The following FAT3 variants were observed in gnomAD, a reference collection of about 807,000 sequenced individuals.
FAT3 encodes the protein FAT atypical cadherin 3.
Under a neutral mutation model 310.2 loss-of-function variants are expected in FAT3, and 95 were observed. The observed-to-expected ratio is 0.31, with a 90% CI of 0.26 to 0.36. The LOEUF is 0.36. Ranked by LOEUF, FAT3 falls within the 10% of genes least tolerant of loss-of-function variation. The pLI is 1.00. For missense variants in FAT3, 5,408 were observed against 5,715.6 expected (o/e 0.95, Z 1.74); for synonymous variants, 2,314 against 2,192.9 (o/e 1.06, Z -1.54).
chr11:92,253,222 T>C (rs1236295505), intron 1 of FAT3, among the ~76,000 whole-genome samples: 1 of 152,028 alleles, frequency 6.6e-6, no homozygotes, highest in Non-Finnish European at 1.5e-5. Flanking sequence ...TCTGGCCAAG[T>C]TTCTTGCTGT....
intron 2 of FAT3, chr11:92,400,278 A>G (rs1949983417): frequency 6.6e-6 from 1 of 152,210 alleles, no homozygotes; most frequent in South Asian, 2.1e-4. Context: ...AGAAGGCCTG[A>G]AGTCTGGCTG....
At chr11:92,843,851 A>C in intron 18 of FAT3, 83 bp from the exon 19 acceptor site, 2 of 1,275,422 alleles carry the variant, frequency 1.6e-6, no homozygotes, top group East Asian at 4.6e-5. Flanking sequence ...AAAGGTACAG[A>C]CGTCTTCTAT....
chr11:92,338,984 A>G lies in FAT3; in HGVS notation c.-17-13112A>G, dbSNP rs564979885. On this transcript the variant is annotated intron_variant, in intron 1 of 27. Transcript: ENST00000525166. Reference sequence around the variant, plus strand: ...ATGCAGAGCTGACCTTGCATGGAACATGATCCCCAGAACCTCTCAATGGCA... The same window carrying G: ...ATGCAGAGCTGACCTTGCATGGAACGTGATCCCCAGAACCTCTCAATGGCA... Among the ~76,000 whole-genome samples the G allele has an allele frequency of 1.4e-3, 218 of 152,344 alleles. 1 individual carries two copies. Among genetic ancestry groups the G allele is most frequent in the African/African-American group, 4.7e-3 (194 of 41,584 alleles).
At chr11:92,360,020 G>A (rs1055438733) in intron 2 of FAT3, among the ~76,000 whole-genome samples, 8 of 151,532 alleles carry the variant, frequency 5.3e-5, no homozygotes, top group African/African-American at 1.9e-4. Context: ...GGGTCAAATG[G>A]TATTTCTAGT....
At position 92,354,234 on chromosome 11, in the gene FAT3, C is replaced by T; in HGVS notation, c.2122C>T (p.Leu708=). Residue 708 remains leucine, a synonymous_variant, in exon 2 of 28, where the codon CTG becomes TTG. Coordinates refer to ENST00000525166, the MANE Select transcript of FAT3 (RefSeq NM_001367949.2). ...IKAKANGKLN[L]EDGFLDFYSI... ...GGCAAAAGCAAATGGGAAACTGAATCTGGAAGATGGATTTCTTGACTTTTA... is the reference window on the plus strand; with the variant it reads ...GGCAAAAGCAAATGGGAAACTGAATTTGGAAGATGGATTTCTTGACTTTTA... 1.2e-6 allele frequency: 2 copies of T among 1,613,694 alleles called. No individual in the cohort carries two copies. The highest frequency in any genetic ancestry group is 1.7e-6 in the Non-Finnish European group (2 of 1,179,862).
intron 3 of FAT3, among the ~76,000 whole-genome samples, chr11:92,626,691 T>C (rs2135687383): frequency 6.6e-6 from 1 of 152,220 alleles, no homozygotes; most frequent in Middle Eastern, 3.4e-3. Flanking sequence ...ATGAGAAACT[T>C]GAATAATTGT....
In FAT3 at chr11:92,851,254, T is replaced by A. The variant is rs147042752; in HGVS notation, c.11366-5960T>A. ...GAAAAGTTACACCTGAGTTCAGGTC[T>A]CTGCCATGTTGCTGGGTCAAATTAG... On this transcript the variant is annotated intron_variant, in intron 19 of 27. Transcript: ENST00000525166. Among the ~76,000 whole-genome samples, 381 of 152,326 alleles carry A rather than the reference T, an allele frequency of 2.5e-3. 3 individuals are homozygous for A. Among genetic ancestry groups the A allele is most frequent in the African/African-American group, 8.8e-3 (366 of 41,572 alleles).
At chr11:92,285,756 ATT>A (rs1946546627) in intron 1 of FAT3, among the ~76,000 whole-genome samples, 1 of 152,196 alleles carries the variant, frequency 6.6e-6, no homozygotes, top group Non-Finnish European at 1.5e-5. Flanking sequence ...GCATTTGTAT[ATT>A]TTAAATTTGG....
intron 3 of FAT3, among the ~76,000 whole-genome samples, chr11:92,692,140 A>G (rs929400033): frequency 2.6e-5 from 4 of 152,228 alleles, no homozygotes; most frequent in Admixed American, 2.6e-4. Context: ...AAAGGCTATC[A>G]GGAATTGCTC....
At chr11:92,315,062 G>A (rs528742170) in intron 1 of FAT3, among the ~76,000 whole-genome samples, 1 of 151,784 alleles carries the variant, frequency 6.6e-6, no homozygotes, top group African/African-American at 2.4e-5. Flanking sequence ...GTTGAAGAGA[G>A]GAAACATAAG....
chr11:92,476,068 T>A (rs670820), intron 2 of FAT3, among the ~76,000 whole-genome samples: 106,167 of 151,474 alleles, frequency 0.7, 40,072 homozygotes, highest in East Asian at 0.86. Flanking sequence ...AGTGTGTGAG[T>A]GTGTGTGTGT....
chr11:92,738,693 T>C (rs1945420490), intron 4 of FAT3, among the ~76,000 whole-genome samples: 1 of 152,210 alleles, frequency 6.6e-6, no homozygotes, highest in Non-Finnish European at 1.5e-5. Flanking sequence ...GTTTAGTTAA[T>C]TTTTCCTGGA....
At chr11:92,854,464 C>T (rs1275748209) in intron 19 of FAT3, among the ~76,000 whole-genome samples, 2 of 152,198 alleles carry the variant, frequency 1.3e-5, no homozygotes, top group Non-Finnish European at 2.9e-5. Flanking sequence ...CCACGCCTTC[C>T]CTGCTGCAGC....
intron 3 of FAT3, among the ~76,000 whole-genome samples, chr11:92,664,826 G>A (rs535221160): frequency 6.6e-6 from 1 of 152,132 alleles, no homozygotes; most frequent in Non-Finnish European, 1.5e-5. Context: ...ATTTGAAGTG[G>A]ATGCTTTTAT....
At chr11:92,649,234 A>C (rs1383391844) in intron 3 of FAT3, among the ~76,000 whole-genome samples, 1 of 152,192 alleles carries the variant, frequency 6.6e-6, no homozygotes, top group Non-Finnish European at 1.5e-5. Context: ...TGAATCTTAA[A>C]ATGGAAGTTT....
intron 3 of FAT3, among the ~76,000 whole-genome samples, chr11:92,616,591 G>T (rs553424727): frequency 1.3e-5 from 2 of 152,146 alleles, no homozygotes; most frequent in African/African-American, 2.4e-5. Context: ...TTACAATTTG[G>T]CATGTTTTTG....
rs566899537 is a variant in FAT3 at position 92,308,267 on chromosome 11, T to C, written c.-17-43829T>C. On this transcript the variant is annotated intron_variant, in intron 1 of 27. Coordinates refer to ENST00000525166, the MANE Select transcript of FAT3 (RefSeq NM_001367949.2). Reference sequence around the variant, plus strand: ...TTCAGAGTAAGCAGAGAACAGAATGTAGAAGTTGTTTGAAATTACAAATTA... The same window carrying C: ...TTCAGAGTAAGCAGAGAACAGAATGCAGAAGTTGTTTGAAATTACAAATTA... Among the ~76,000 whole-genome samples the C allele has an allele frequency of 1.1e-4, 17 of 152,298 alleles. No individual in the cohort carries two copies. The South Asian group carries it at 3.1e-3, about 28-fold the overall frequency.
At chr11:92,809,755 G>A in intron 12 of FAT3, 88 bp from the exon 13 acceptor site, 1 of 974,112 alleles carries the variant, frequency 1.0e-6, no homozygotes, top group Non-Finnish European at 1.6e-6. Flanking sequence ...CCTATGTTGA[G>A]AATTGTTTGT....
At position 92,765,097 on chromosome 11, in the gene FAT3, C is replaced by T. The variant is rs187746288; in HGVS notation, c.4195+8C>T. On this transcript the variant is annotated splice_region_variant and intron_variant, in intron 6 of 27. Transcript: ENST00000525166. ...TGTGGTTTGACATAGTTGGTAAGTT[C>T]GAGTCTTACAGAGCAGTATCATGCA... 42 of 1,607,084 alleles carry T rather than the reference C, an allele frequency of 2.6e-5. No homozygotes were observed. The highest frequency in any genetic ancestry group is 5.5e-5 in the African/African-American group (4 of 73,344).
Sources: allele counts gnomAD v4.1 joint callset (sites outside exome capture counted in the v4.1 genomes callset), GRCh38; gene constraint gnomAD v4.1.1; transcripts MANE v1.5; gene names NCBI Gene and HGNC (gene_info 2026-07-23, HGNC 2026-07-21).